CBX5: variants seen among roughly 807,000 people sequenced by gnomAD.
CBX5 encodes chromobox protein homolog 5.
CBX5 carries 7 observed loss-of-function variants against 20.7 expected under a neutral mutation model. The ratio of observed to expected loss-of-function variants is 0.34; its 90% CI spans 0.19 to 0.63. The LOEUF (loss-of-function observed/expected upper bound fraction) is 0.63, where lower values mean the gene tolerates loss of function less well. CBX5 is among the 30% of genes least tolerant of loss of function. CBX5 has a pLI of 0.75. For synonymous variants in CBX5, 78 were observed against 77.0 expected, an observed-to-expected ratio of 1.01 and a Z score of -0.07; for missense variants, 110 against 224.1, an observed-to-expected ratio of 0.49 and a Z score of 3.25.
At position 54,241,682 on chromosome 12, in the gene CBX5, G is replaced by C. The variant is rs139245125; in HGVS notation, c.*73C>G. The stretch of plus-strand genomic sequence containing the variant: ...GGATGTGTTTAGGATAGAAAGGGGT[G>C]GGTAGAAAGGAGAGGAGGCAGGGAG... On this transcript the variant is annotated 3_prime_UTR_variant, in exon 5 of 5. Coordinates refer to ENST00000209875, the MANE Select transcript of CBX5 (RefSeq NM_012117.3). 4 of 1,400,186 alleles carry C rather than the reference G, an allele frequency of 2.9e-6. No homozygotes were observed. The highest frequency in any genetic ancestry group is 3.9e-6 in the Non-Finnish European group (4 of 1,020,608). The allele number at this position is 1,400,186 out of a possible 1,614,324, so 86.7% of individuals were successfully genotyped here.
chr12:54,274,583 C>T (rs1249066588), intron 1 of CBX5, among the ~76,000 whole-genome samples: 1 of 151,988 alleles, frequency 6.6e-6, no homozygotes, highest in African/African-American at 2.4e-5. Flanking sequence ...AATGCTTTAC[C>T]AGGACAGTTA....
chr12:54,259,232 T>C (rs1263770343), intron 1 of CBX5: 3 of 152,300 alleles, frequency 2.0e-5, no homozygotes, highest in South Asian at 4.1e-4. Flanking sequence ...GGAAATGTCA[T>C]ATTCCAGGGA....
intron 1 of CBX5, chr12:54,271,861 GA>G (rs1211391214): frequency 5.9e-5 from 9 of 152,140 alleles, no homozygotes; most frequent in African/African-American, 1.7e-4. Flanking sequence ...AAATTTTAAT[GA>G]ATTTTCTTTA....
chr12:54,263,144 T>C (rs1264199214), intron 1 of CBX5, among the ~76,000 whole-genome samples: 1 of 151,892 alleles, frequency 6.6e-6, no homozygotes, highest in East Asian at 1.9e-4. Context: ...GCAGATCTCC[T>C]GAGGTCAGGA....
intron 4 of CBX5, among the ~76,000 whole-genome samples, chr12:54,243,146 C>A (rs937923597): frequency 6.6e-6 from 1 of 151,472 alleles, no homozygotes; most frequent in Non-Finnish European, 1.5e-5. Context: ...TAATAAAAAA[C>A]AAAATAGAAT....
intron 1 of CBX5, among the ~76,000 whole-genome samples, chr12:54,266,357 C>T (rs1448631676): frequency 6.6e-6 from 1 of 151,982 alleles, no homozygotes; most frequent in Non-Finnish European, 1.5e-5. Flanking sequence ...GAGATGGCAC[C>T]ACTGCACTCC....
At chr12:54,254,331 C>CAAA (rs34812446) in intron 2 of CBX5, among the ~76,000 whole-genome samples, 18 of 54,890 alleles carry the variant, frequency 3.3e-4, no homozygotes, top group Admixed American at 7.1e-4. Flanking sequence ...AACTCCATCT[C>CAAA]AAAAAAAAAA....
intron 1 of CBX5, among the ~76,000 whole-genome samples, chr12:54,266,114 T>C (rs1016014367): frequency 1.3e-5 from 2 of 151,080 alleles, no homozygotes; most frequent in African/African-American, 2.4e-5. Flanking sequence ...CTTTTGTTCT[T>C]TTAGATAAAA....
intron 1 of CBX5, among the ~76,000 whole-genome samples, chr12:54,269,130 C>T (rs1439563123): frequency 3.3e-5 from 5 of 152,008 alleles, no homozygotes; most frequent in African/African-American, 1.2e-4. Context: ...CGTGGTGGCA[C>T]GTGCCTGTAG....
intron 3 of CBX5, among the ~76,000 whole-genome samples, chr12:54,248,304 G>C (rs1943758347): frequency 6.6e-6 from 1 of 152,098 alleles, no homozygotes; most frequent in Non-Finnish European, 1.5e-5. Flanking sequence ...TAGGTAATTT[G>C]AAAAAACTTT....
intron 3 of CBX5, among the ~76,000 whole-genome samples, chr12:54,249,145 C>T (rs1943767297): frequency 6.6e-6 from 1 of 152,002 alleles, no homozygotes; most frequent in South Asian, 2.1e-4. Flanking sequence ...CCAAGATGGG[C>T]GGATAACGAG....
chr12:54,264,471 A>G (rs541026359), intron 1 of CBX5, among the ~76,000 whole-genome samples: 1 of 152,302 alleles, frequency 6.6e-6, no homozygotes, highest in East Asian at 1.9e-4. Flanking sequence ...ATCTTGTTAT[A>G]GTCATTTCAT....
rs1311258772 is a variant in CBX5 at position 54,239,692 on chromosome 12, G to A, written c.*2063C>T. ...GAGATAAAACTCCCACCCACTTGAG[G>A]TATGGTTTATGAGCTCTTGCCCAAT... is the stretch of plus-strand genomic sequence containing the variant. On this transcript the variant is annotated 3_prime_UTR_variant, in exon 5 of 5. Coordinates refer to ENST00000209875, the MANE Select transcript of CBX5 (RefSeq NM_012117.3). 1 of 152,132 alleles carries A rather than the reference G, an allele frequency of 6.6e-6. No homozygotes were observed. The highest frequency in any genetic ancestry group is 1.5e-5 in the Non-Finnish European group (1 of 68,018). The allele number at this position is 152,132 out of a possible 1,614,324, so 9.4% of individuals were successfully genotyped here.
At chr12:54,263,785 A>G (rs1943934468) in intron 1 of CBX5, among the ~76,000 whole-genome samples, 1 of 144,692 alleles carries the variant, frequency 6.9e-6, no homozygotes, top group Admixed American at 7.1e-5. Flanking sequence ...AAAAAAAAAG[A>G]AAAGAAAAAA....
chr12:54,278,982 C>T (rs1029483683), intron 1 of CBX5: 1 of 152,142 alleles, frequency 6.6e-6, no homozygotes, highest in African/African-American at 2.4e-5. Context: ...GTGATTATGA[C>T]TAGAAACACA....
At position 54,268,058 on chromosome 12, in the gene CBX5, C is replaced by T. The variant is rs867709262; in HGVS notation, c.-42-10366G>A. ...ACTCAGGAGGCTGAGGCAGGAGAAT[C>T]GCTTGAACCCGGGAGACGGAGGTTA... On this transcript the variant is annotated intron_variant, in intron 1 of 4. Coordinates refer to ENST00000209875, the MANE Select transcript of CBX5 (RefSeq NM_012117.3). Among the ~76,000 whole-genome samples the T allele has an allele frequency of 3.9e-5, 6 of 152,064 alleles. No homozygotes were observed. The South Asian group carries it at 6.2e-4, about 16-fold the overall frequency.
At chr12:54,255,329 G>A (rs1440713335) in intron 2 of CBX5, among the ~76,000 whole-genome samples, 1 of 152,080 alleles carries the variant, frequency 6.6e-6, no homozygotes, top group African/African-American at 2.4e-5. Context: ...GGAGGCTGAG[G>A]TGGGCGAATC....
Position 54,231,912 on chromosome 12 carries a change from TAC to T in CBX5, c.*9841_*9842del, listed in dbSNP as rs2137001942. The T allele has an allele frequency of 6.6e-6, 1 of 152,258 alleles. No individual in the cohort carries two copies. The highest frequency in any genetic ancestry group is 2.4e-5 in the African/African-American group (1 of 41,526). The allele number at this position is 152,258 out of a possible 1,614,324, so 9.4% of individuals were successfully genotyped here. A position where few individuals can be genotyped will look rare whatever the true frequency, so the allele number is the denominator to read the frequency against. On this transcript the variant is annotated 3_prime_UTR_variant, in exon 5 of 5. Transcript: ENST00000209875. Reference sequence around the variant, plus strand: ...CCCTATGAGGAAGGAGAGGCCCAGGTACAGATACCACAAAGGGGTACAGTGAC... The same window carrying T: ...CCCTATGAGGAAGGAGAGGCCCAGGTAGATACCACAAAGGGGTACAGTGAC...
chr12:54,246,836 C>A lies in CBX5; in HGVS notation c.325-621G>T, dbSNP rs1943742902. Among the ~76,000 whole-genome samples the A allele has an allele frequency of 3.3e-5, 5 of 149,282 alleles. No individual in the cohort carries two copies. In the Middle Eastern group the frequency reaches 0.018, roughly 526 times the overall value. On this transcript the variant is annotated intron_variant, in intron 3 of 4. Transcript: ENST00000209875. ...GAAAAGAAAGATACTCTGGAGTCAA[C>A]ATCTAGGAACTCCTCTAATCCCACT...
Sources: gnomAD v4.1 joint callset for allele counts (sites outside exome capture counted in the v4.1 genomes callset) on GRCh38, gnomAD v4.1.1 for gene constraint, MANE v1.5 for transcripts, NCBI Gene and HGNC (gene_info 2026-07-23, HGNC 2026-07-21) for gene names.